Variants in KCNQ3 observed in about 807,000 individuals in gnomAD.
The protein encoded by KCNQ3 is potassium voltage-gated channel subfamily KQT member 3.
A neutral mutation model predicts 92.5 loss-of-function variants in KCNQ3; 30 were observed. The observed-to-expected ratio is 0.32, with a 90% CI of 0.24 to 0.44. KCNQ3 has a LOEUF of 0.44. Among genes scored for constraint, KCNQ3 ranks in the 20% least tolerant of loss-of-function variants. The pLI is 1.00. For synonymous variants in KCNQ3, 450 were observed against 468.8 expected (o/e 0.96, Z 0.52); for missense variants, 913 against 1,140.3 (o/e 0.80, Z 2.87).
At chr8:132,437,258 C>T (rs1439822992) in intron 1 of KCNQ3, among the ~76,000 whole-genome samples, 2 of 148,336 alleles carry the variant, frequency 1.3e-5, no homozygotes, top group Non-Finnish European at 3.0e-5. Context: ...CCAGCCTGGG[C>T]GACAGCGAGA....
chr8:132,389,288 CT>C (rs1186191485), intron 1 of KCNQ3, among the ~76,000 whole-genome samples: 2 of 152,092 alleles, frequency 1.3e-5, no homozygotes, highest in African/African-American at 4.8e-5. Flanking sequence ...GAAACCCCGT[CT>C]CTACCAAAAA....
rs150993256 is a variant in KCNQ3 at position 132,462,223 on chromosome 8, G to C, written c.386+17924C>G. Among the ~76,000 whole-genome samples, 1,451 of 151,884 alleles carry C rather than the reference G, an allele frequency of 9.6e-3. 16 individuals carry two copies. Among genetic ancestry groups the C allele is most frequent in the African/African-American group, 0.033 (1,372 of 41,366 alleles). On this transcript the variant is annotated intron_variant, in intron 1 of 14. Transcript: ENST00000388996. ...TTTATTTATTTTATTTTTTGAGACG[G>C]AGTCTTGCTTTGTTGCCCAGGTTGG...
At chr8:132,344,733 G>A (rs1818630973) in intron 1 of KCNQ3, among the ~76,000 whole-genome samples, 1 of 152,186 alleles carries the variant, frequency 6.6e-6, no homozygotes, top group Non-Finnish European at 1.5e-5. Flanking sequence ...GAAAGCTGGT[G>A]GGGACAGTTG....
chr8:132,199,111 C>A lies in KCNQ3; in HGVS notation c.387-12930G>T, dbSNP rs146574035. 5.9e-5 allele frequency among the ~76,000 whole-genome samples: 9 copies of A among 152,152 alleles called. No individual in the cohort carries two copies. In the East Asian group the frequency reaches 1.5e-3, roughly 26 times the overall value. On this transcript the variant is annotated intron_variant, in intron 1 of 14. Transcript: ENST00000388996. Reference sequence around the variant, plus strand: ...AGTTTACAAAAGATGCAGGATTTCACAAAGTTGATAGAAATGATGATGGAA... The same window carrying A: ...AGTTTACAAAAGATGCAGGATTTCAAAAAGTTGATAGAAATGATGATGGAA...
chr8:132,226,016 A>G (rs963276944), intron 1 of KCNQ3, among the ~76,000 whole-genome samples: 1 of 152,180 alleles, frequency 6.6e-6, no homozygotes, highest in African/African-American at 2.4e-5. Flanking sequence ...TCAAGCCTGT[A>G]ATCCCAGCAC....
chr8:132,191,584 G>A (rs1827162210), intron 1 of KCNQ3, among the ~76,000 whole-genome samples: 1 of 116,974 alleles, frequency 8.5e-6, no homozygotes, highest in Admixed American at 8.3e-5. Context: ...TATCTAGAAA[G>A]ATGGATATGT....
intron 1 of KCNQ3, among the ~76,000 whole-genome samples, chr8:132,344,805 C>T (rs887181579): frequency 6.6e-6 from 1 of 151,994 alleles, no homozygotes; most frequent in Non-Finnish European, 1.5e-5. Context: ...TGGAGAGGAA[C>T]CAGTTGGTGG....
intron 1 of KCNQ3, among the ~76,000 whole-genome samples, chr8:132,186,989 A>AGAGAGAGT (rs1826990501): frequency 6.8e-6 from 1 of 146,030 alleles, no homozygotes; most frequent in Admixed American, 6.9e-5. Context: ...AGAGAGAGAG[A>AGAGAGAGT]GTGAGAGACA....
At chr8:132,468,260 A>G (rs925147767) in intron 1 of KCNQ3, among the ~76,000 whole-genome samples, 9 of 152,308 alleles carry the variant, frequency 5.9e-5, no homozygotes, top group Admixed American at 4.6e-4. Context: ...GGACAGGCAG[A>G]AGGAGAGAGA....
Position 132,129,195 on chromosome 8 carries a change from G to A in KCNQ3, c.*67C>T, listed in dbSNP as rs1824768260. On this transcript the variant is annotated 3_prime_UTR_variant, in exon 15 of 15. Transcript: ENST00000388996. The surrounding 1 kb of genome is among the most constrained non-coding windows in gnomAD (Gnocchi z 5.9). ...TGGTGTCCCCGCTGGTAAGCGTCGGGTGTAAGAGTAAGTGAACTATACAAA... is the reference window on the plus strand; with the variant it reads ...TGGTGTCCCCGCTGGTAAGCGTCGGATGTAAGAGTAAGTGAACTATACAAA... 6.4e-7 allele frequency: 1 copy of A among 1,572,398 alleles called. No homozygotes were observed.
intron 8 of KCNQ3, among the ~76,000 whole-genome samples, chr8:132,165,073 C>T (rs1253717403): frequency 3.9e-5 from 6 of 152,192 alleles, no homozygotes; most frequent in Non-Finnish European, 8.8e-5. Flanking sequence ...TCTACTAGAC[C>T]CTTTCCATCA....
chr8:132,131,869 C>T (rs1387188057), intron 14 of KCNQ3, among the ~76,000 whole-genome samples: 1 of 152,052 alleles, frequency 6.6e-6, no homozygotes, highest in African/African-American at 2.4e-5. Context: ...GGGCAGATCA[C>T]CTGAGGTCAG....
chr8:132,161,416 G>T (rs998501552), intron 9 of KCNQ3, among the ~76,000 whole-genome samples: 2 of 152,186 alleles, frequency 1.3e-5, no homozygotes, highest in Admixed American at 1.3e-4. Flanking sequence ...ATCACCTGAG[G>T]TCAGGAGTTT....
At chr8:132,349,436 G>C (rs1818792850) in intron 1 of KCNQ3, among the ~76,000 whole-genome samples, 1 of 152,238 alleles carries the variant, frequency 6.6e-6, no homozygotes, top group Non-Finnish European at 1.5e-5. Flanking sequence ...AGAGAAGAGA[G>C]AAAGAAGTCT....
intron 1 of KCNQ3, chr8:132,187,131 T>A (rs542212400): frequency 2.2e-6 from 1 of 455,868 alleles, no homozygotes; most frequent in African/African-American, 2.0e-5. Flanking sequence ...GGGTGAAGCT[T>A]GGTAGTACAT....
chr8:132,340,291 A>C (rs1818489020), intron 1 of KCNQ3, among the ~76,000 whole-genome samples: 1 of 152,196 alleles, frequency 6.6e-6, no homozygotes, highest in Non-Finnish European at 1.5e-5. Context: ...AAATCATTCT[A>C]CTATAAGGAC....
In KCNQ3 at chr8:132,126,664, T is replaced by G. The variant is rs968828206; in HGVS notation, c.*2598A>C. 9 of 152,058 alleles carry G rather than the reference T, an allele frequency of 5.9e-5. No individual in the cohort carries two copies. Among genetic ancestry groups the G allele is most frequent in the African/African-American group, 1.9e-4 (8 of 41,382 alleles). The allele number at this position is 152,058 out of a possible 1,614,324, so 9.4% of individuals were successfully genotyped here. A position where few individuals can be genotyped will look rare whatever the true frequency, so the allele number is the denominator to read the frequency against. ...ACAATCAATACTTCCCTACTACTGA[T>G]CAATACAAACCCAATCTCTGCTGTC... On this transcript the variant is annotated 3_prime_UTR_variant, in exon 15 of 15. Coordinates refer to ENST00000388996, the MANE Select transcript of KCNQ3 (RefSeq NM_004519.4).
In KCNQ3 at chr8:132,252,135, G is replaced by C. The variant is rs111550155; in HGVS notation, c.387-65954C>G. Among the ~76,000 whole-genome samples the C allele has an allele frequency of 3.4e-3, 525 of 152,304 alleles. 1 individual carries two copies. The highest frequency in any genetic ancestry group is 0.012 in the African/African-American group (501 of 41,574). On this transcript the variant is annotated intron_variant, in intron 1 of 14. Transcript: ENST00000388996. Reference sequence around the variant, plus strand: ...ATGAAGCCTCTGGGGATGCCCTTCAGCACACTCTTATTGGACAGGCCTGTG... The same window carrying C: ...ATGAAGCCTCTGGGGATGCCCTTCACCACACTCTTATTGGACAGGCCTGTG...
At chr8:132,192,942 C>T (rs1827202777) in intron 1 of KCNQ3, among the ~76,000 whole-genome samples, 2 of 152,168 alleles carry the variant, frequency 1.3e-5, no homozygotes, top group Admixed American at 1.3e-4. Context: ...CCACAGTGCC[C>T]GGTCTTTCTC....
Sources: allele counts gnomAD v4.1 joint callset (sites outside exome capture counted in the v4.1 genomes callset), GRCh38; gene constraint gnomAD v4.1.1; non-coding constraint Gnocchi (gnomAD v3.1); transcripts MANE v1.5; gene names NCBI Gene and HGNC (gene_info 2026-07-23, HGNC 2026-07-21).